TTLL11: variants seen among roughly 807,000 people sequenced by gnomAD.
The protein encoded by TTLL11 is tubulin tyrosine ligase like 11, also known as tubulin polyglutamylase TTLL11.
Under a neutral mutation model 51.7 loss-of-function variants are expected in TTLL11, and 42 were observed. The ratio of observed to expected loss-of-function variants is 0.81; its 90% CI spans 0.64 to 1.05. The LOEUF (loss-of-function observed/expected upper bound fraction) is 1.05, where lower values mean the gene tolerates loss of function less well. TTLL11 is among the 50% of genes least tolerant of loss of function. The pLI, the probability that TTLL11 is intolerant of heterozygous loss-of-function variation, is 0.00. For synonymous variants in TTLL11, 381 were observed against 383.5 expected (o/e 0.99, Z 0.08); for missense variants, 799 against 940.4 (o/e 0.85, Z 1.97).
At chr9:122,050,776 A>G (rs954285930) in intron 1 of TTLL11, among the ~76,000 whole-genome samples, 1 of 152,154 alleles carries the variant, frequency 6.6e-6, no homozygotes, top group African/African-American at 2.4e-5. Context: ...ATGCCTAGGG[A>G]GACGCCCACA....
intron 6 of TTLL11, among the ~76,000 whole-genome samples, chr9:121,880,855 T>C (rs7019133): frequency 0.017 from 2,666 of 152,366 alleles, 55 homozygotes; most frequent in African/African-American, 0.06. Context: ...GTGGGAAGGT[T>C]AAGTCAATGG....
At chr9:121,840,753 C>T (rs1383547680) in intron 8 of TTLL11, among the ~76,000 whole-genome samples, 1 of 152,138 alleles carries the variant, frequency 6.6e-6, no homozygotes, top group African/African-American at 2.4e-5. Flanking sequence ...TGTCCAGACA[C>T]CAGGTGACCA....
chr9:121,916,190 G>C (rs760813205), intron 6 of TTLL11, among the ~76,000 whole-genome samples: 9 of 152,218 alleles, frequency 5.9e-5, no homozygotes, highest in Non-Finnish European at 1.2e-4. Flanking sequence ...TGTATCTACT[G>C]ACATGGAAAG....
In TTLL11 at chr9:121,978,342, G is replaced by A. The variant is rs150495192; in HGVS notation, c.1270-3363C>T. Among the ~76,000 whole-genome samples, 1,211 of 152,276 alleles carry A rather than the reference G, an allele frequency of 8.0e-3. 10 individuals are homozygous for A. The highest frequency in any genetic ancestry group is 0.037 in the Middle Eastern group (11 of 294). The stretch of plus-strand genomic sequence containing the variant: ...AATCAGGTATTTACTTGGTCCAGTG[G>A]TTTTCAAACCGGGGTTCTTTTCTGG... On this transcript the variant is annotated intron_variant, in intron 4 of 8. Transcript: ENST00000321582.
chr9:122,082,501 CAAAAAAAAAAA>C (rs35349693), intron 1 of TTLL11, among the ~76,000 whole-genome samples: 2 of 84,666 alleles, frequency 2.4e-5, no homozygotes, highest in East Asian at 4.6e-4. Flanking sequence ...GACTCTGTCT[CAAAAAAAAAAA>C]AAAAAAAAAG....
chr9:122,030,776 C>CAAAAAAAAAAAAAA (rs35456581), intron 3 of TTLL11, among the ~76,000 whole-genome samples: 1 of 69,334 alleles, frequency 1.4e-5, no homozygotes, highest in Non-Finnish European at 2.8e-5. Context: ...ACAAAAAATA[C>CAAAAAAAAAAAAAA]AAAAAAAAAA....
At chr9:122,005,600 G>C (rs1288818474) in intron 3 of TTLL11, among the ~76,000 whole-genome samples, 1 of 152,210 alleles carries the variant, frequency 6.6e-6, no homozygotes, top group Non-Finnish European at 1.5e-5. Context: ...GCCAGGCAGG[G>C]AGACAGACCA....
chr9:121,861,878 A>G (rs1192391691), intron 7 of TTLL11, among the ~76,000 whole-genome samples: 2 of 152,196 alleles, frequency 1.3e-5, no homozygotes, highest in African/African-American at 4.8e-5. Context: ...ATTCTACATA[A>G]GCCCTGAATC....
intron 1 of TTLL11, among the ~76,000 whole-genome samples, chr9:122,079,281 T>C (rs576290391): frequency 5.7e-4 from 87 of 152,322 alleles, no homozygotes; most frequent in African/African-American, 2.0e-3. Context: ...AGGTATGAAG[T>C]GGTATTTCAC....
chr9:122,047,269 C>T (rs1845034385), intron 1 of TTLL11, among the ~76,000 whole-genome samples: 1 of 152,120 alleles, frequency 6.6e-6, no homozygotes, highest in Admixed American at 6.5e-5. Context: ...AACCTTTTCC[C>T]GAGGATGGGC....
Position 121,956,240 on chromosome 9 carries a change from G to C in TTLL11, c.1481+17769C>G, listed in dbSNP as rs181540020. Among the ~76,000 whole-genome samples, 40 of 151,062 alleles carry C rather than the reference G, an allele frequency of 2.6e-4. No homozygotes were observed. The East Asian group carries it at 4.1e-3, about 15-fold the overall frequency. ...CTTTGCCTGAAAACCAGCTGGAAGA[G>C]CATGAAAGGGGGAGAAAAAAACCTG... On this transcript the variant is annotated intron_variant, in intron 6 of 8. Transcript: ENST00000321582.
chr9:122,039,765 G>A (rs7037063), intron 1 of TTLL11, among the ~76,000 whole-genome samples: 3,987 of 152,014 alleles, frequency 0.026, 65 homozygotes, highest in Non-Finnish European at 0.039. Context: ...TAGAGTCCAG[G>A]TCTATCCAAA....
chr9:121,902,793 T>A (rs925269144), intron 6 of TTLL11, among the ~76,000 whole-genome samples: 2 of 152,146 alleles, frequency 1.3e-5, no homozygotes, highest in Non-Finnish European at 2.9e-5. Flanking sequence ...GCCACAGGAA[T>A]GGTCAGCCAT....
At chr9:121,987,015 A>G (rs1444208125) in intron 4 of TTLL11, among the ~76,000 whole-genome samples, 1 of 152,090 alleles carries the variant, frequency 6.6e-6, no homozygotes, top group Non-Finnish European at 1.5e-5. Flanking sequence ...GTGGAAAAGA[A>G]TGTTGCAGAA....
At chr9:122,050,066 G>A (rs1258476089) in intron 1 of TTLL11, among the ~76,000 whole-genome samples, 2 of 151,974 alleles carry the variant, frequency 1.3e-5, no homozygotes, top group Non-Finnish European at 2.9e-5. Flanking sequence ...AGCTCAAGCC[G>A]CAACCCACCA....
At chr9:121,895,943 TGTGTGG>T (rs1329782719) in intron 6 of TTLL11, among the ~76,000 whole-genome samples, 9 of 25,330 alleles carry the variant, frequency 3.6e-4, no homozygotes, top group Admixed American at 4.3e-4. Context: ...TGGGTGTGTT[TGTGTGG>T]GTGTGGGTGT....
intron 8 of TTLL11, among the ~76,000 whole-genome samples, chr9:121,845,028 C>T (rs1329204694): frequency 2.6e-5 from 4 of 151,176 alleles, no homozygotes; most frequent in Admixed American, 2.0e-4. Context: ...CACAGAAAAC[C>T]GTGCAGGACA....
intron 1 of TTLL11, among the ~76,000 whole-genome samples, chr9:122,084,341 A>T (rs1049499343): frequency 6.6e-6 from 1 of 152,220 alleles, no homozygotes. Flanking sequence ...ATTTATAAAA[A>T]TTACTAGATA....
intron 3 of TTLL11, among the ~76,000 whole-genome samples, chr9:121,994,955 C>T (rs979307916): frequency 3.3e-5 from 5 of 152,056 alleles, no homozygotes; most frequent in African/African-American, 1.2e-4. Context: ...GAGACAGGAA[C>T]ATAAAGGATA....
Sources: allele counts gnomAD v4.1 joint callset (sites outside exome capture counted in the v4.1 genomes callset), GRCh38; gene constraint gnomAD v4.1.1; transcripts MANE v1.5; gene names NCBI Gene and HGNC (gene_info 2026-07-23, HGNC 2026-07-21).